Variants in PFKFB4 observed in about 807,000 individuals in gnomAD.
PFKFB4 encodes the protein 6-phosphofructo-2-kinase/fructose-2,6-biphosphatase 4, also known as 6-phosphofructo-2-kinase/fructose-2,6-bisphosphatase 4.
A neutral mutation model predicts 62.8 loss-of-function variants in PFKFB4; 42 were observed. The observed-to-expected ratio is 0.67, with a 90% confidence interval of 0.52 to 0.86. The LOEUF is 0.86. Ranked by LOEUF, PFKFB4 falls within the 40% of genes least tolerant of loss-of-function variation. PFKFB4 has a pLI of 0.00. For synonymous variants in PFKFB4, 204 were observed against 240.7 expected, an observed-to-expected ratio of 0.85 and a Z score of 1.41; for missense variants, 475 against 627.2, an observed-to-expected ratio of 0.76 and a Z score of 2.59.
chr3:48,558,227 G>A (rs551540131), upstream of PFKFB4, among the ~76,000 whole-genome samples: 75 of 152,148 alleles, frequency 4.9e-4, no homozygotes, highest in Non-Finnish European at 4.9e-4. Context: ...GGCCCCCACC[G>A]GACTCCTGCA....
In PFKFB4 at chr3:48,519,732, A is replaced by G. The variant is rs73831578; in HGVS notation, c.*15T>C. ...AGAGCAGTGCCTGCCTAGTGGTCACAGTGGATGAACATGGTCACTGGTGAG... is the reference window on the plus strand; with the variant it reads ...AGAGCAGTGCCTGCCTAGTGGTCACGGTGGATGAACATGGTCACTGGTGAG... On this transcript the variant is annotated 3_prime_UTR_variant, in exon 14 of 14. Coordinates refer to ENST00000232375, the MANE Select transcript of PFKFB4 (RefSeq NM_004567.4). 6,771 of 1,606,046 alleles carry G rather than the reference A, an allele frequency of 4.2e-3. 278 individuals are homozygous for G. In the African/African-American group the frequency reaches 0.074, roughly 18 times the overall value.
At chr3:48,562,638 T>C (rs2043449971), upstream of PFKFB4, 3 of 736,724 alleles carry the variant, frequency 4.1e-6, no homozygotes, top group Admixed American at 6.0e-5. The surrounding 1 kb of genome is among the most constrained non-coding windows in gnomAD (Gnocchi z 4.3). Context: ...AGTGGCTCCA[T>C]GTGGCAGTGT....
chr3:48,535,593 G>A lies in PFKFB4; in HGVS notation c.906C>T (p.Ser302=), dbSNP rs761021016. The change falls in exon 9 of 14, where the codon AGC becomes AGT. Residue 302 remains serine (S), a synonymous_variant. Coordinates refer to ENST00000232375, the MANE Select transcript of PFKFB4 (RefSeq NM_004567.4). The part of the protein sequence containing the change: ...QNIKDLKVWT[S]QMKRTIQTAE... Reference sequence around the variant, plus strand: ...CCGTCTGGATTGTCCTCTTCATCTGGCTTGTCCAGACCTTCAGATCCTTGA... The same window carrying A: ...CCGTCTGGATTGTCCTCTTCATCTGACTTGTCCAGACCTTCAGATCCTTGA... 1.2e-6 allele frequency: 2 copies of A among 1,613,960 alleles called. No homozygotes were observed. Among genetic ancestry groups the A allele is most frequent in the Admixed American group, 1.7e-5 (1 of 59,988 alleles).
upstream of PFKFB4, among the ~76,000 whole-genome samples, chr3:48,559,149 A>T (rs2043393865): frequency 6.6e-6 from 1 of 152,150 alleles, no homozygotes; most frequent in Admixed American, 6.5e-5. Context: ...AGACAGGATG[A>T]GCCTGGTTCC....
At position 48,525,667 on chromosome 3, in the gene PFKFB4, G is replaced by T; in HGVS notation, c.990C>A (p.Gly330=). 6.3e-7 allele frequency: 1 copy of T among 1,583,080 alleles called. No homozygotes were observed. Among genetic ancestry groups the T allele is most frequent in the Non-Finnish European group, 8.6e-7 (1 of 1,158,078 alleles). The change falls in exon 10 of 14, where the codon GGC becomes GGA. Residue 330 remains glycine, a splice_region_variant and synonymous_variant. Coordinates refer to ENST00000232375, the MANE Select transcript of PFKFB4 (RefSeq NM_004567.4). The part of the protein sequence containing the change: ...QWKVLNEIDA[G]VCEEMTYEEI... ...CCTCGTAGGTCATTTCCTCACAGACGCCCTAGGGAGATACCACAGTCATCA... is the reference window on the plus strand; with the variant it reads ...CCTCGTAGGTCATTTCCTCACAGACTCCCTAGGGAGATACCACAGTCATCA...
intron 1 of PFKFB4, among the ~76,000 whole-genome samples, chr3:48,554,765 G>A (rs2043260152): frequency 6.6e-6 from 1 of 152,142 alleles, no homozygotes; most frequent in African/African-American, 2.4e-5. Flanking sequence ...AAGGCTCACA[G>A]ACTTGGCTAG....
intron 10 of PFKFB4, among the ~76,000 whole-genome samples, chr3:48,524,328 C>T (rs755269899): frequency 4.6e-4 from 70 of 152,198 alleles, no homozygotes; most frequent in South Asian, 6.2e-4. Flanking sequence ...CCGTGATGTA[C>T]GGTTTAGGCC....
chr3:48,529,656 G>T (rs2042374671), intron 9 of PFKFB4, among the ~76,000 whole-genome samples: 1 of 152,172 alleles, frequency 6.6e-6, no homozygotes, highest in Non-Finnish European at 1.5e-5. Context: ...GCTACAAAAT[G>T]AGTTATAAAA....
upstream of PFKFB4, chr3:48,563,061 C>A: frequency 3.7e-6 from 6 of 1,612,140 alleles, no homozygotes; most frequent in South Asian, 5.5e-5. The surrounding 1 kb of genome is among the most constrained non-coding windows in gnomAD (Gnocchi z 4.5). Context: ...ATAGGGGTCA[C>A]TGGGACAACC....
At chr3:48,531,329 C>T (rs1367555805) in intron 9 of PFKFB4, among the ~76,000 whole-genome samples, 1 of 151,890 alleles carries the variant, frequency 6.6e-6, no homozygotes, top group African/African-American at 2.4e-5. Context: ...GAAACTCCGT[C>T]TCTACTAAAA....
At chr3:48,556,811 C>T (rs2043339668), upstream of PFKFB4, 1 of 1,580,032 alleles carries the variant, frequency 6.3e-7, no homozygotes, top group Admixed American at 1.8e-5. The surrounding 1 kb of genome is among the most constrained non-coding windows in gnomAD (Gnocchi z 5.7). Context: ...TGCGCCGCTT[C>T]CAACCCAGCA....
intron 7 of PFKFB4, chr3:48,536,752 T>C (rs926911026): frequency 2.4e-6 from 1 of 420,292 alleles, no homozygotes; most frequent in Non-Finnish European, 4.4e-6. Flanking sequence ...TACCACATCA[T>C]GACTTTCTCC....
At chr3:48,562,573 G>A, upstream of PFKFB4, 1 of 587,932 alleles carries the variant, frequency 1.7e-6, no homozygotes, top group South Asian at 2.2e-5. This position sits in a 1 kb window ranked among gnomAD's most constrained non-coding sequence, Gnocchi z 4.3. Context: ...TGTCCAGGCT[G>A]TCCAGACACA....
Position 48,550,106 on chromosome 3 carries a change from G to A in PFKFB4, c.214+12C>T. On this transcript the variant is annotated intron_variant, in intron 2 of 13. Coordinates refer to ENST00000232375, the MANE Select transcript of PFKFB4 (RefSeq NM_004567.4). ...ACAAAGCTCCCCTTAGACAGCTGGG[G>A]CCAAGCCTCACCCCGAGTGGGCACA... 6.3e-7 allele frequency: 1 copy of A among 1,582,642 alleles called. No individual in the cohort carries two copies. Among genetic ancestry groups the A allele is most frequent in the Non-Finnish European group, 8.7e-7 (1 of 1,151,388 alleles).
chr3:48,561,299 C>T (rs2043430299), upstream of PFKFB4: 4 of 278,410 alleles, frequency 1.4e-5, no homozygotes, highest in South Asian at 2.7e-5. The surrounding 1 kb of genome is among the most constrained non-coding windows in gnomAD (Gnocchi z 5.2). Flanking sequence ...GCCCCCACTC[C>T]AGTCAGCCGG....
chr3:48,526,548 G>A (rs2042265616), intron 9 of PFKFB4, among the ~76,000 whole-genome samples: 1 of 151,504 alleles, frequency 6.6e-6, no homozygotes, highest in African/African-American at 2.4e-5. Context: ...ACTCCAGCCT[G>A]GGGAAGAGAA....
chr3:48,556,851 C>A, upstream of PFKFB4: 1 of 1,510,290 alleles, frequency 6.6e-7, no homozygotes, highest in Non-Finnish European at 8.8e-7. The surrounding 1 kb of genome is among the most constrained non-coding windows in gnomAD (Gnocchi z 5.7). Flanking sequence ...CCCGAGGTCC[C>A]GCCCCTTGGG....
At chr3:48,529,018 T>C (rs989529446) in intron 9 of PFKFB4, among the ~76,000 whole-genome samples, 1 of 151,930 alleles carries the variant, frequency 6.6e-6, no homozygotes, top group South Asian at 2.1e-4. Flanking sequence ...CTGAACTGTA[T>C]ACTTATTTAT....
Position 48,521,571 on chromosome 3 carries a change from G to A in PFKFB4, c.1350+415C>T, listed in dbSNP as rs932441741. ...TCATGAGGCCTCGGCTGCAGGGATG[G>A]GGAGTGGGAAGAGTGCCCACCTGCC... On this transcript the variant is annotated intron_variant, in intron 13 of 13. Transcript: ENST00000232375. The surrounding 1 kb of genome is among the most constrained non-coding windows in gnomAD (Gnocchi z 5.3). 2.0e-5 allele frequency among the ~76,000 whole-genome samples: 3 copies of A among 152,224 alleles called. No homozygotes were observed. The highest frequency in any genetic ancestry group is 4.4e-5 in the Non-Finnish European group (3 of 68,032).
Sources: gnomAD v4.1 joint callset for allele counts (sites outside exome capture counted in the v4.1 genomes callset) on GRCh38, gnomAD v4.1.1 for gene constraint, Gnocchi (gnomAD v3.1) non-coding constraint, MANE v1.5 for transcripts, NCBI Gene and HGNC (gene_info 2026-07-23, HGNC 2026-07-21) for gene names.